The following MYO3B variants were observed in gnomAD, a reference collection of about 807,000 sequenced individuals.
MYO3B encodes myosin-IIIb.
In MYO3B, 156 loss-of-function variants were observed where a neutral mutation model predicts 174.6. The observed-to-expected ratio is 0.89, with a 90% confidence interval of 0.78 to 1.02. The LOEUF is 1.02. Among genes scored for constraint, MYO3B ranks in the 50% least tolerant of loss-of-function variants. The pLI is 0.00. For missense variants in MYO3B, 1,632 were observed against 1,639.4 expected (o/e 1.00, Z 0.08); for synonymous variants, 563 against 569.1 (o/e 0.99, Z 0.15).
chr2:170,261,116 C>T (rs960729138), intron 7 of MYO3B, among the ~76,000 whole-genome samples: 7 of 152,136 alleles, frequency 4.6e-5, no homozygotes, highest in Non-Finnish European at 7.4e-5. Context: ...CTCCGCCTTC[C>T]GGGTTCAAGC....
chr2:170,620,101 A>T (rs963843863), intron 32 of MYO3B, among the ~76,000 whole-genome samples: 1 of 152,190 alleles, frequency 6.6e-6, no homozygotes, highest in Non-Finnish European at 1.5e-5. Context: ...GGTAAGGCTT[A>T]TAAGGACTTT....
chr2:170,494,463 C>T (rs1258550969), intron 25 of MYO3B, among the ~76,000 whole-genome samples: 2 of 152,136 alleles, frequency 1.3e-5, no homozygotes, highest in Admixed American at 1.3e-4. Flanking sequence ...TGCGTTGGCT[C>T]ATGCCTGTAA....
chr2:170,496,305 A>G (rs1686851897), intron 25 of MYO3B, among the ~76,000 whole-genome samples: 1 of 152,246 alleles, frequency 6.6e-6, no homozygotes, highest in Admixed American at 6.5e-5. Context: ...TTATTCTTCC[A>G]TAAACAGGAA....
intron 16 of MYO3B, among the ~76,000 whole-genome samples, chr2:170,393,627 A>G (rs2094427830): frequency 6.6e-6 from 1 of 151,994 alleles, no homozygotes; most frequent in African/African-American, 2.4e-5. Flanking sequence ...ATTACAAGAC[A>G]CTCCAGTTAC....
At chr2:170,180,684 CT>C (rs1480108413) in intron 1 of MYO3B, among the ~76,000 whole-genome samples, 1 of 152,140 alleles carries the variant, frequency 6.6e-6, no homozygotes, top group Non-Finnish European at 1.5e-5. Context: ...ATAAATTTCT[CT>C]CTTTTCCAAA....
intron 32 of MYO3B, among the ~76,000 whole-genome samples, chr2:170,597,524 A>G (rs900307990): frequency 1.3e-5 from 2 of 152,014 alleles, no homozygotes; most frequent in Non-Finnish European, 2.9e-5. Context: ...GATCCTGCCT[A>G]TTGTCCATGC....
intron 32 of MYO3B, among the ~76,000 whole-genome samples, chr2:170,572,945 G>A (rs1692537183): frequency 6.6e-6 from 1 of 151,798 alleles, no homozygotes; most frequent in African/African-American, 2.4e-5. Flanking sequence ...GTAATTCATT[G>A]TATAAACTCT....
rs573481556 is a variant in MYO3B, at chr2:170,405,646, TG to T, written c.2520+14del. 2 of 1,613,434 alleles carry T rather than the reference TG, an allele frequency of 1.2e-6. No homozygotes were observed. The highest frequency in any genetic ancestry group is 2.7e-5 in the African/African-American group (2 of 75,060). ...TTATGCTGGAAAGGTGAGGCCAGTGTGACAGTTATTAGACCTGAATTTGGCA... is the reference window on the plus strand; with the variant it reads ...TTATGCTGGAAAGGTGAGGCCAGTGTACAGTTATTAGACCTGAATTTGGCA... On this transcript the variant is annotated intron_variant, in intron 21 of 34. Transcript: ENST00000408978.
intron 32 of MYO3B, among the ~76,000 whole-genome samples, chr2:170,621,375 A>G (rs72883708): frequency 0.051 from 7,833 of 152,224 alleles, 267 homozygotes; most frequent in East Asian, 0.095. Flanking sequence ...ACACCCTTCT[A>G]ATATAACACC....
rs2094174869 is a variant in MYO3B, at chr2:170,363,262, A to G, written c.816-5960A>G. 2.0e-5 allele frequency among the ~76,000 whole-genome samples: 3 copies of G among 152,254 alleles called. No homozygotes were observed. The South Asian group carries it at 6.2e-4, about 32-fold the overall frequency. ...TGAGTTTTGATCTAGTTTTGCCCCA[A>G]TGTATGGAATACATTGCTCACCCTC... is the stretch of plus-strand genomic sequence containing the variant. On this transcript the variant is annotated intron_variant, in intron 8 of 34. Transcript: ENST00000408978.
At position 170,329,523 on chromosome 2, in the gene MYO3B, G is replaced by A. The variant is rs867383519; in HGVS notation, c.750-5862G>A. On this transcript the variant is annotated intron_variant, in intron 7 of 34. Transcript: ENST00000408978. ...AGCTTCCCGAGTAGCTGGGATTACA[G>A]GTGCAGGCCACCACACCTGGCTGAT... Among the ~76,000 whole-genome samples, 5 of 151,218 alleles carry A rather than the reference G, an allele frequency of 3.3e-5. No homozygotes were observed. In the South Asian group the frequency reaches 8.4e-4, roughly 25 times the overall value.
chr2:170,577,937 T>C (rs774082714), intron 32 of MYO3B, among the ~76,000 whole-genome samples: 25 of 152,324 alleles, frequency 1.6e-4, no homozygotes, highest in Admixed American at 2.6e-4. Flanking sequence ...TGCAAAGTGT[T>C]CTAGAACTGG....
intron 25 of MYO3B, among the ~76,000 whole-genome samples, chr2:170,481,059 C>T (rs902395346): frequency 6.6e-6 from 1 of 152,180 alleles, no homozygotes; most frequent in Non-Finnish European, 1.5e-5. Flanking sequence ...ACAGAAGAAC[C>T]CAGACATCTC....
intron 1 of MYO3B, among the ~76,000 whole-genome samples, chr2:170,190,992 C>T (rs748477136): frequency 2.4e-4 from 37 of 152,082 alleles, no homozygotes; most frequent in African/African-American, 7.5e-4. Flanking sequence ...ACCCAAGGCC[C>T]GCTGCAAATA....
rs187708550 is a variant in MYO3B, at chr2:170,482,214, G to A, written c.3014+15503G>A. 4.0e-3 allele frequency among the ~76,000 whole-genome samples: 599 copies of A among 151,342 alleles called. 4 individuals carry two copies. The highest frequency in any genetic ancestry group is 4.9e-3 in the Non-Finnish European group (336 of 67,884). On this transcript the variant is annotated intron_variant, in intron 25 of 34. Transcript: ENST00000408978. The stretch of plus-strand genomic sequence containing the variant: ...TCTGTCACCCAGGCTGGAGTGCAGC[G>A]GAGCAATCTCTGCTCACTGCAACCT...
In MYO3B at chr2:170,549,372, A is replaced by G. The variant is rs112301015; in HGVS notation, c.3733+5384A>G. 6.2e-3 allele frequency among the ~76,000 whole-genome samples: 940 copies of G among 152,312 alleles called. 10 individuals are homozygous for G. The highest frequency in any genetic ancestry group is 0.02 in the African/African-American group (822 of 41,576). On this transcript the variant is annotated intron_variant, in intron 32 of 34. Coordinates refer to ENST00000408978, the MANE Select transcript of MYO3B (RefSeq NM_138995.5). ...TTGGCAAAGCACACTGTTGGGATGTAGTAGAGCCACCAGAGAGCATGTGGA... is the reference window on the plus strand; with the variant it reads ...TTGGCAAAGCACACTGTTGGGATGTGGTAGAGCCACCAGAGAGCATGTGGA...
intron 7 of MYO3B, among the ~76,000 whole-genome samples, chr2:170,272,096 T>TTTA (rs5836267): frequency 6.6e-6 from 1 of 151,508 alleles, no homozygotes; most frequent in Non-Finnish European, 1.5e-5. Flanking sequence ...TTTTTTTTTT[T>TTTA]AACTTGGCCC....
intron 7 of MYO3B, among the ~76,000 whole-genome samples, chr2:170,242,974 A>G (rs796904042): frequency 1.8e-4 from 28 of 152,322 alleles, no homozygotes; most frequent in African/African-American, 5.3e-4. Flanking sequence ...GGGCAGGGGT[A>G]AGACAGGGAT....
chr2:170,436,006 T>G (rs1000596661), intron 22 of MYO3B, among the ~76,000 whole-genome samples: 1 of 152,218 alleles, frequency 6.6e-6, no homozygotes, highest in African/African-American at 2.4e-5. Flanking sequence ...TTTTAAAAGT[T>G]CCAGCTCTGT....
Sources: gnomAD v4.1 joint callset for allele counts (sites outside exome capture counted in the v4.1 genomes callset) on GRCh38, gnomAD v4.1.1 for gene constraint, MANE v1.5 for transcripts, NCBI Gene and HGNC (gene_info 2026-07-23, HGNC 2026-07-21) for gene names.